Variants in ST18 observed in about 807,000 individuals in gnomAD.
ST18 encodes suppression of tumorigenicity 18 protein.
In ST18, 50 loss-of-function variants were observed where a neutral mutation model predicts 110.0. The observed-to-expected ratio is 0.45, with a 90% CI of 0.36 to 0.58. The LOEUF is 0.58. Among genes scored for constraint, ST18 ranks in the 20% least tolerant of loss-of-function variants. The probability of loss-of-function intolerance (pLI) is 0.00; values close to 1 mark genes in which losing one functional copy is unlikely to be tolerated. For missense variants in ST18, 1,306 were observed against 1,280.1 expected (o/e 1.02, Z -0.31); for synonymous variants, 461 against 452.4 (o/e 1.02, Z -0.24).
At chr8:52,324,865 T>C (rs1805580537) in intron 2 of ST18, among the ~76,000 whole-genome samples, 1 of 152,162 alleles carries the variant, frequency 6.6e-6, no homozygotes, top group South Asian at 2.1e-4. Flanking sequence ...ATAAAATCAA[T>C]ATGTGACAAA....
intron 2 of ST18, among the ~76,000 whole-genome samples, chr8:52,354,693 G>A (rs1262807897): frequency 6.6e-6 from 1 of 152,162 alleles, no homozygotes; most frequent in African/African-American, 2.4e-5. Flanking sequence ...ATGAAGGAAA[G>A]TGAGGGAAGT....
chr8:52,211,975 A>G (rs575886415), intron 8 of ST18, 104 bp downstream of exon 8: 2 of 1,260,428 alleles, frequency 1.6e-6, no homozygotes, highest in East Asian at 4.6e-5. Flanking sequence ...CCTTTAGCCA[A>G]TTCCTTCTGC....
At position 52,171,887 on chromosome 8, in the gene ST18, T is replaced by C. The variant is rs1354016218; in HGVS notation, c.974A>G (p.Lys325Arg). 4 of 1,614,220 alleles carry C rather than the reference T, an allele frequency of 2.5e-6. No individual in the cohort carries two copies. The highest frequency in any genetic ancestry group is 1.6e-4 in the Middle Eastern group (1 of 6,062). ...CTCCAGCAGGAACCTATCCAGCTCT[T>C]TGTAGGTGTTATGGAAAACACAACC... is the stretch of plus-strand genomic sequence containing the variant. ...ERGCVFHNTY[K>R]ELDRFLLEHL... is the part of the protein sequence containing the mutation. The change falls in exon 10 of 26, where the codon AAA becomes AGA. Residue 325 changes from lysine (K) to arginine (R), a missense_variant. By Grantham distance (26) the Lys-to-Arg change is conservative. Transcript: ENST00000689386.
At position 52,172,414 on chromosome 8, in the gene ST18, T is replaced by G. The variant is rs2065288186; in HGVS notation, c.447A>C (p.Leu149Phe). ...TTAAAGACTGGATGCCACTGTCATT[T>G]AAATTTTCACTTACAGTCTGAACAG... Reference protein sequence around the residue: ...NVSVQTVSENLNDSGIQSLKA... With the variant: ...NVSVQTVSENFNDSGIQSLKA... Residue 149 changes from leucine (L) to phenylalanine (F), a missense_variant, in exon 10 of 26, where the codon TTA (leucine) becomes TTC (phenylalanine). Physicochemically the swap from Leu to Phe is conservative, Grantham distance 22. Transcript: ENST00000689386. The G allele has an allele frequency of 6.2e-7, 1 of 1,613,914 alleles. No homozygotes were observed. Among genetic ancestry groups the G allele is most frequent in the Admixed American group, 1.7e-5 (1 of 60,010 alleles).
chr8:52,150,120 G>A, intron 15 of ST18, 143 bp from the exon 16 acceptor site: 19 of 1,193,174 alleles, frequency 1.6e-5, no homozygotes, highest in Non-Finnish European at 2.2e-5. Context: ...ATTTGCGTTG[G>A]GTAATGTTCA....
At chr8:52,234,786 A>G (rs1307092976) in intron 2 of ST18, among the ~76,000 whole-genome samples, 1 of 151,800 alleles carries the variant, frequency 6.6e-6, no homozygotes, top group Non-Finnish European at 1.5e-5. Flanking sequence ...ACACAGCCAT[A>G]AAAAGGAATG....
chr8:52,133,386 T>A, intron 19 of ST18, 85 bp from the exon 20 acceptor site: 1 of 1,465,456 alleles, frequency 6.8e-7, no homozygotes, highest in Non-Finnish European at 9.5e-7. Context: ...GGTTCTTCAG[T>A]AATCACATTA....
rs549461806 is a variant in ST18, at chr8:52,342,331, A to T, written c.-465+66997T>A. Among the ~76,000 whole-genome samples the T allele has an allele frequency of 2.6e-4, 39 of 152,128 alleles. No homozygotes were observed. The South Asian group carries it at 8.1e-3, about 32-fold the overall frequency. On this transcript the variant is annotated intron_variant, in intron 2 of 25. Coordinates refer to ENST00000689386, the MANE Select transcript of ST18 (RefSeq NM_001352837.2). ...AAAATGAAGCCAAAAGAAAGAAAAAAGAAAAAGACTCTACGATCTTATATA... is the reference window on the plus strand; with the variant it reads ...AAAATGAAGCCAAAAGAAAGAAAAATGAAAAAGACTCTACGATCTTATATA...
chr8:52,213,913 T>G (rs1012099231), intron 7 of ST18, among the ~76,000 whole-genome samples: 20 of 152,226 alleles, frequency 1.3e-4, no homozygotes, highest in African/African-American at 4.1e-4. Context: ...CCATGAAACA[T>G]CCCTCACTTG....
At chr8:52,156,424 A>G (rs896107882) in intron 15 of ST18, among the ~76,000 whole-genome samples, 2 of 152,230 alleles carry the variant, frequency 1.3e-5, no homozygotes, top group Non-Finnish European at 2.9e-5. Context: ...TAAGCGTACT[A>G]ATAGCCTGCC....
At chr8:52,257,782 A>AT (rs2094569921) in intron 2 of ST18, among the ~76,000 whole-genome samples, 1 of 152,038 alleles carries the variant, frequency 6.6e-6, no homozygotes, top group South Asian at 2.1e-4. Flanking sequence ...AAAGGTTTTT[A>AT]TTTTGATGAA....
intron 2 of ST18, among the ~76,000 whole-genome samples, chr8:52,238,870 A>AGGAGGG (rs2093055488): frequency 1.4e-5 from 1 of 69,862 alleles, no homozygotes; most frequent in Non-Finnish European, 2.8e-5. Context: ...GGGGGGTGGG[A>AGGAGGG]GGAGGGTGAG....
At chr8:52,388,331 C>T (rs1837717533) in intron 2 of ST18, among the ~76,000 whole-genome samples, 1 of 152,064 alleles carries the variant, frequency 6.6e-6, no homozygotes, top group East Asian at 2.0e-4. Context: ...CTCAGCCACC[C>T]ACACCCAACG....
chr8:52,247,125 A>G (rs945449621), intron 2 of ST18, among the ~76,000 whole-genome samples: 1 of 152,194 alleles, frequency 6.6e-6, no homozygotes, highest in African/African-American at 2.4e-5. Flanking sequence ...AGCATCTACT[A>G]CAGTCCTCTG....
chr8:52,388,451 G>A (rs1045782354), intron 2 of ST18, among the ~76,000 whole-genome samples: 1 of 152,004 alleles, frequency 6.6e-6, no homozygotes, highest in Non-Finnish European at 1.5e-5. Context: ...ATATTTATAG[G>A]AGCACGTTGC....
At position 52,232,259 on chromosome 8, in the gene ST18, T is replaced by A. The variant is rs139092127; in HGVS notation, c.-464-2182A>T. On this transcript the variant is annotated intron_variant, in intron 2 of 25. Transcript: ENST00000689386. ...CCACTTTATAGCTTATTGAACTTGA[T>A]CTTCCCTTCAGATGAAGCCATTCGT... 3.4e-3 allele frequency among the ~76,000 whole-genome samples: 521 copies of A among 152,318 alleles called. 3 individuals carry two copies. The highest frequency in any genetic ancestry group is 1.0e-2 in the African/African-American group (414 of 41,572).
chr8:52,168,614 G>A (rs1178869966), intron 10 of ST18, among the ~76,000 whole-genome samples: 1 of 152,088 alleles, frequency 6.6e-6, no homozygotes, highest in African/African-American at 2.4e-5. Context: ...GACAAGGCAG[G>A]AAGTCTTAAA....
intron 2 of ST18, among the ~76,000 whole-genome samples, chr8:52,322,494 A>C (rs1179139544): frequency 6.6e-6 from 1 of 152,226 alleles, no homozygotes; most frequent in African/African-American, 2.4e-5. Flanking sequence ...CTCTAATCAA[A>C]TAACTACTTG....
At chr8:52,342,534 T>G (rs2140216940) in intron 2 of ST18, among the ~76,000 whole-genome samples, 1 of 152,304 alleles carries the variant, frequency 6.6e-6, no homozygotes, top group Non-Finnish European at 1.5e-5. Context: ...TGTAAAGTCT[T>G]TCATCAGATG....
Sources: allele counts gnomAD v4.1 joint callset (sites outside exome capture counted in the v4.1 genomes callset), GRCh38; gene constraint gnomAD v4.1.1; transcripts MANE v1.5; gene names NCBI Gene and HGNC (gene_info 2026-07-23, HGNC 2026-07-21).